Variants in TTC28 observed in about 807,000 individuals in gnomAD.
The protein encoded by TTC28 is tetratricopeptide repeat protein 28.
In TTC28, 61 loss-of-function variants were observed where a neutral mutation model predicts 198.0. That is an observed-to-expected ratio of 0.31 (90% CI 0.25 to 0.38). The LOEUF (loss-of-function observed/expected upper bound fraction) is 0.38, where lower values mean the gene tolerates loss of function less well. Among genes scored for constraint, TTC28 ranks in the 10% least tolerant of loss-of-function variants. The pLI is 1.00. For missense variants in TTC28, 2,678 were observed against 3,164.0 expected (o/e 0.85, Z 3.69); for synonymous variants, 1,171 against 1,297.8 (o/e 0.90, Z 2.10).
chr22:28,190,841 T>A (rs547089856), intron 5 of TTC28, among the ~76,000 whole-genome samples: 8 of 152,260 alleles, frequency 5.3e-5, no homozygotes, highest in African/African-American at 1.7e-4. Context: ...TGAGGCCCCG[T>A]TCTTATTTTG....
At chr22:28,671,865 A>G (rs1265365676) in intron 1 of TTC28, among the ~76,000 whole-genome samples, 1 of 151,400 alleles carries the variant, frequency 6.6e-6, no homozygotes, top group African/African-American at 2.4e-5. Context: ...TAGTAGAGAC[A>G]GGGTTTCACC....
chr22:28,185,435 C>A (rs2147114010), intron 5 of TTC28, among the ~76,000 whole-genome samples: 1 of 152,116 alleles, frequency 6.6e-6, no homozygotes, highest in South Asian at 2.1e-4. Flanking sequence ...GTAATGGTAT[C>A]CAAAATCATA....
intron 5 of TTC28, among the ~76,000 whole-genome samples, chr22:28,214,006 A>C (rs552482194): frequency 1.3e-3 from 193 of 152,094 alleles, no homozygotes; most frequent in Middle Eastern, 3.4e-3. Context: ...CTTTGACAAA[A>C]CTGACAAAAA....
chr22:28,024,498 C>A (rs1216238699), intron 13 of TTC28, among the ~76,000 whole-genome samples: 1 of 152,162 alleles, frequency 6.6e-6, no homozygotes, highest in African/African-American at 2.4e-5. Context: ...CACCCAACCC[C>A]ACTGGAACTC....
chr22:28,325,516 G>T (rs900237779), intron 2 of TTC28, among the ~76,000 whole-genome samples: 4 of 152,080 alleles, frequency 2.6e-5, no homozygotes, highest in Non-Finnish European at 5.9e-5. Context: ...AAAAGCTTCT[G>T]CTCTGTGAAA....
At chr22:28,148,900 G>C (rs988157570) in intron 6 of TTC28, among the ~76,000 whole-genome samples, 5 of 152,110 alleles carry the variant, frequency 3.3e-5, no homozygotes, top group Admixed American at 1.3e-4. Flanking sequence ...GTAATTATTT[G>C]AACTTTACAC....
intron 2 of TTC28, among the ~76,000 whole-genome samples, chr22:28,602,017 G>A (rs540803332): frequency 6.6e-6 from 1 of 152,110 alleles, no homozygotes; most frequent in Admixed American, 6.6e-5. Context: ...GGGAAACAAA[G>A]CAAGGGATGG....
intron 9 of TTC28, among the ~76,000 whole-genome samples, chr22:28,099,526 C>A (rs1212345771): frequency 6.6e-6 from 1 of 152,196 alleles, no homozygotes. Flanking sequence ...ACTGACTTCC[C>A]TCGGACCTCA....
intron 5 of TTC28, among the ~76,000 whole-genome samples, chr22:28,244,146 G>A (rs1929904443): frequency 6.6e-6 from 1 of 152,188 alleles, no homozygotes; most frequent in Non-Finnish European, 1.5e-5. Context: ...GGTAGGATCT[G>A]AGGGGAAAAT....
intron 2 of TTC28, among the ~76,000 whole-genome samples, chr22:28,336,472 C>A (rs1555970592): frequency 2.6e-5 from 4 of 152,052 alleles, no homozygotes. Context: ...TGGTCCTGGA[C>A]TTTTTTTGGT....
At chr22:28,578,412 A>G in intron 2 of TTC28, among the ~76,000 whole-genome samples, 1 of 152,192 alleles carries the variant, frequency 6.6e-6, no homozygotes, top group East Asian at 1.9e-4. Context: ...ATATGTTCTC[A>G]GTAGTTGTTG....
intron 2 of TTC28, among the ~76,000 whole-genome samples, chr22:28,415,526 T>A (rs773699746): frequency 2.0e-5 from 3 of 152,224 alleles, no homozygotes; most frequent in Non-Finnish European, 4.4e-5. Context: ...AAATATGATT[T>A]GAAACGTCCT....
At chr22:28,538,308 G>A (rs915291519) in intron 2 of TTC28, among the ~76,000 whole-genome samples, 2 of 151,928 alleles carry the variant, frequency 1.3e-5, no homozygotes, top group Non-Finnish European at 2.9e-5. Context: ...GGCTGGTCTC[G>A]AACTCCTTGA....
chr22:28,383,596 T>C (rs772425123), intron 2 of TTC28, among the ~76,000 whole-genome samples: 1 of 152,234 alleles, frequency 6.6e-6, no homozygotes, highest in Non-Finnish European at 1.5e-5. Context: ...AATCTACCAG[T>C]TGCTCAGGTC....
chr22:28,408,692 A>C (rs943928457), intron 2 of TTC28, among the ~76,000 whole-genome samples: 5 of 152,206 alleles, frequency 3.3e-5, no homozygotes, highest in African/African-American at 9.6e-5. Context: ...TCCGGCCCCA[A>C]CTTACATTTT....
chr22:28,036,412 A>G (rs1348212868), intron 12 of TTC28, among the ~76,000 whole-genome samples: 2 of 152,362 alleles, frequency 1.3e-5, no homozygotes, highest in African/African-American at 2.4e-5. Flanking sequence ...CTGCTCCTGA[A>G]TGATTACTGG....
At chr22:28,392,910 C>T (rs769982172) in intron 2 of TTC28, among the ~76,000 whole-genome samples, 5 of 122,974 alleles carry the variant, frequency 4.1e-5, no homozygotes, top group East Asian at 2.6e-4. Flanking sequence ...GGGTCTTGCT[C>T]TGTCACCCAG....
intron 6 of TTC28, among the ~76,000 whole-genome samples, chr22:28,141,980 C>T (rs551222881): frequency 6.6e-6 from 1 of 152,254 alleles, no homozygotes; most frequent in East Asian, 1.9e-4. Context: ...TTAATGTAGG[C>T]TCTACTTCCA....
At chr22:28,162,730 C>T (rs2147053897) in intron 6 of TTC28, among the ~76,000 whole-genome samples, 1 of 152,282 alleles carries the variant, frequency 6.6e-6, no homozygotes, top group East Asian at 1.9e-4. Flanking sequence ...GGGAGGATCG[C>T]TTGAGCCCAG....
Sources: gnomAD v4.1 joint callset for allele counts (sites outside exome capture counted in the v4.1 genomes callset) on GRCh38, gnomAD v4.1.1 for gene constraint, MANE v1.5 for transcripts, NCBI Gene and HGNC (gene_info 2026-07-23, HGNC 2026-07-21) for gene names.